SEL1L: variants seen among roughly 807,000 people sequenced by gnomAD.
SEL1L encodes SEL1L adaptor subunit of SYVN1 ubiquitin ligase.
In SEL1L, 52 loss-of-function variants were observed where a neutral mutation model predicts 109.8. The ratio of observed to expected loss-of-function variants is 0.47; its 90% CI spans 0.38 to 0.60. The LOEUF is 0.60. Among genes scored for constraint, SEL1L ranks in the 20% least tolerant of loss-of-function variants. SEL1L has a pLI of 0.00. For synonymous variants in SEL1L, 373 were observed against 339.6 expected (o/e 1.10, Z -1.08); for missense variants, 749 against 962.2 (o/e 0.78, Z 2.93).
rs780205495 is a variant in SEL1L, at chr14:81,523,936, AAAACAAAACAAATAC to A, written c.340+2782_340+2796del. Among the ~76,000 whole-genome samples, 86 of 152,356 alleles carry A rather than the reference AAAACAAAACAAATAC, an allele frequency of 5.6e-4. No individual in the cohort carries two copies. In the Middle Eastern group the frequency reaches 0.01, roughly 18 times the overall value. On this transcript the variant is annotated intron_variant, in intron 3 of 20. Transcript: ENST00000336735. ...TCCTTACAATGCTCAAATACAAAGC[AAAACAAAACAAATAC>A]AAACAAACAAAAACATACTCATTAG...
At chr14:81,496,550 C>T (rs1307339055) in intron 10 of SEL1L, among the ~76,000 whole-genome samples, 1 of 151,916 alleles carries the variant, frequency 6.6e-6, no homozygotes, top group East Asian at 1.9e-4. Context: ...ATCAGCCTGG[C>T]CAACATGGTG....
intron 1 of SEL1L, 55 bp downstream of exon 1, chr14:81,533,620 T>TAGAGGCTGGGGGGC (rs1885421153): frequency 1.9e-6 from 3 of 1,568,108 alleles, no homozygotes; most frequent in Non-Finnish European, 8.7e-7. Flanking sequence ...CCGCCGGCTG[T>TAGAGGCTGGGGGGC]AGAGGCTGGG....
chr14:81,494,248 T>A (rs151258979), intron 11 of SEL1L, among the ~76,000 whole-genome samples: 10 of 152,120 alleles, frequency 6.6e-5, no homozygotes, highest in Non-Finnish European at 2.9e-5. Flanking sequence ...TTCACTTATA[T>A]CCCATCCATC....
chr14:81,486,593 AG>A, intron 16 of SEL1L, 139 bp from the exon 17 acceptor site: 1 of 701,860 alleles, frequency 1.4e-6, no homozygotes, highest in Non-Finnish European at 2.3e-6. Flanking sequence ...CAGACATAAA[AG>A]TTTGAGATAC....
At position 81,471,628 on chromosome 14, in the gene SEL1L, T is replaced by A. The variant is rs1251840502; in HGVS notation, c.*5344A>T. 2.0e-5 allele frequency: 3 copies of A among 152,078 alleles called. No individual in the cohort carries two copies. Among genetic ancestry groups the A allele is most frequent in the East Asian group, 3.9e-4 (2 of 5,192 alleles). The allele number at this position is 152,078 out of a possible 1,614,324, so 9.4% of individuals were successfully genotyped here. A position where few individuals can be genotyped will look rare whatever the true frequency, so the allele number is the denominator to read the frequency against. On this transcript the variant is annotated 3_prime_UTR_variant, in exon 21 of 21. Transcript: ENST00000336735. ...TCCACTCAACTTACATGAGAAAAAA[T>A]TGTGTGGTTTTTAGAAATGGGATTT...
chr14:81,499,458 C>A lies in SEL1L; in HGVS notation c.891+1G>T, dbSNP rs1276276425. The A allele has an allele frequency of 6.2e-7, 1 of 1,609,918 alleles. No individual in the cohort carries two copies. On this transcript the variant is annotated splice_donor_variant, in intron 8 of 20. Coordinates refer to ENST00000336735, the MANE Select transcript of SEL1L (RefSeq NM_005065.6). LOFTEE classifies it high-confidence loss of function. ...TTAGCCTTCCACTAAAGTCTACTTACCAAAACCATGTGGGCTATTAGATTG... is the reference window on the plus strand; with the variant it reads ...TTAGCCTTCCACTAAAGTCTACTTAACAAAACCATGTGGGCTATTAGATTG...
Position 81,489,312 on chromosome 14 carries a change from G to A in SEL1L, c.1335C>T (p.Gly445=). The change falls in exon 14 of 21, where the codon GGC becomes GGT. Residue 445 remains glycine, a splice_region_variant and synonymous_variant. Coordinates refer to ENST00000336735, the MANE Select transcript of SEL1L (RefSeq NM_005065.6). Reference sequence around the variant, plus strand: ...CAAGCCCACTCTGTCCAACTGGGTTGCCCTGCAAAGCAGAGAAATCAGACA... The same window carrying A: ...CAAGCCCACTCTGTCCAACTGGGTTACCCTGCAAAGCAGAGAAATCAGACA... ...LHYFKKAADM[G]NPVGQSGLGM... 1.2e-6 allele frequency: 2 copies of A among 1,613,586 alleles called. No individual in the cohort carries two copies. Among genetic ancestry groups the A allele is most frequent in the Non-Finnish European group, 1.7e-6 (2 of 1,179,678 alleles).
intron 3 of SEL1L, among the ~76,000 whole-genome samples, chr14:81,513,551 A>C (rs762808374): frequency 3.3e-5 from 5 of 152,106 alleles, no homozygotes; most frequent in Non-Finnish European, 5.9e-5. Context: ...AGAAGGAATA[A>C]ATTCTGGACA....
intron 18 of SEL1L, among the ~76,000 whole-genome samples, chr14:81,485,416 C>T (rs1903487339): frequency 1.3e-5 from 2 of 151,912 alleles, no homozygotes; most frequent in Admixed American, 1.3e-4. Flanking sequence ...GCTGGGATTA[C>T]AGGAGCCTGC....
chr14:81,515,778 G>A (rs1252226013), intron 3 of SEL1L, among the ~76,000 whole-genome samples: 1 of 152,132 alleles, frequency 6.6e-6, no homozygotes, highest in African/African-American at 2.4e-5. Context: ...GCAGATATCA[G>A]AAGAAAGCTC....
At chr14:81,526,636 C>T (rs1378480136) in intron 3 of SEL1L, 97 bp downstream of exon 3, 1 of 861,876 alleles carries the variant, frequency 1.2e-6, no homozygotes, top group Non-Finnish European at 1.9e-6. Flanking sequence ...GGGTAATAAT[C>T]AGTGAAGCCA....
chr14:81,498,184 T>C (rs1275519792), intron 9 of SEL1L, 138 bp from the exon 10 acceptor site: 1 of 927,546 alleles, frequency 1.1e-6, no homozygotes, highest in African/African-American at 1.7e-5. Flanking sequence ...TCTATATAGA[T>C]CGCAAATCAG....
intron 8 of SEL1L, chr14:81,498,789 G>A (rs1883887110): frequency 4.5e-6 from 1 of 224,168 alleles, no homozygotes; most frequent in South Asian, 1.7e-4. Flanking sequence ...AAATTATAAG[G>A]GCTTTTGCTT....
chr14:81,480,113 C>T (rs569189918), intron 19 of SEL1L, among the ~76,000 whole-genome samples: 21 of 152,258 alleles, frequency 1.4e-4, no homozygotes, highest in South Asian at 4.2e-4. Flanking sequence ...CGTCTGGTTT[C>T]AGTTCTGGAC....
At chr14:81,507,511 AAGG>A (rs917416059) in intron 3 of SEL1L, among the ~76,000 whole-genome samples, 2 of 152,064 alleles carry the variant, frequency 1.3e-5, no homozygotes, top group African/African-American at 4.8e-5. Context: ...CAGAATTCTA[AAGG>A]AGGAGTAGGT....
intron 12 of SEL1L, among the ~76,000 whole-genome samples, chr14:81,490,952 A>G (rs1323969719): frequency 1.3e-5 from 2 of 152,230 alleles, no homozygotes; most frequent in African/African-American, 2.4e-5. Context: ...CAAACTCTTA[A>G]AAGCAAACAT....
intron 19 of SEL1L, among the ~76,000 whole-genome samples, chr14:81,481,390 T>C (rs1903351542): frequency 6.6e-6 from 1 of 152,208 alleles, no homozygotes; most frequent in Non-Finnish European, 1.5e-5. Flanking sequence ...CCTTAGGGTG[T>C]GTCATTATTT....
chr14:81,533,637 A>AGGC, intron 1 of SEL1L, 38 bp downstream of exon 1: 1 of 1,596,384 alleles, frequency 6.3e-7, no homozygotes, highest in Non-Finnish European at 8.5e-7. Context: ...TGGGGGGCGG[A>AGGC]GGCTCTGGGC....
In SEL1L at chr14:81,487,329, C is replaced by T. The variant is rs1025440282; in HGVS notation, c.1632+61G>A. The T allele has an allele frequency of 1.8e-5, 26 of 1,469,586 alleles. 1 individual carries two copies. The Middle Eastern group carries it at 1.5e-3, about 82-fold the overall frequency. The allele number at this position is 1,469,586 out of a possible 1,614,324, so 91.0% of individuals were successfully genotyped here. ...CATACAAAAAAACCAGAATTGAAAG[C>T]GCAGACTTTCCTGCTGGGCAAATCA... On this transcript the variant is annotated intron_variant, in intron 16 of 20. Coordinates refer to ENST00000336735, the MANE Select transcript of SEL1L (RefSeq NM_005065.6).
Sources: allele counts gnomAD v4.1 joint callset (sites outside exome capture counted in the v4.1 genomes callset), GRCh38; gene constraint gnomAD v4.1.1; transcripts MANE v1.5; gene names NCBI Gene and HGNC (gene_info 2026-07-23, HGNC 2026-07-21).